The following NXPH2 variants were observed in gnomAD, a reference collection of about 807,000 sequenced individuals.
The protein encoded by NXPH2 is neurexophilin 2, also known as neurexophilin-2.
A neutral mutation model predicts 19.8 loss-of-function variants in NXPH2; 5 were observed. The ratio of observed to expected loss-of-function variants is 0.25; its 90% CI spans 0.13 to 0.53. NXPH2 has a LOEUF of 0.53. NXPH2 is among the 20% of genes least tolerant of loss of function. NXPH2 has a pLI of 0.96. For synonymous variants in NXPH2, 154 were observed against 127.4 expected (o/e 1.21, Z -1.41); for missense variants, 289 against 322.8 (o/e 0.90, Z 0.80).
chr2:138,780,105 G>C, intron 1 of NXPH2, 86 bp downstream of exon 1: 1 of 1,347,266 alleles, frequency 7.4e-7, no homozygotes, highest in South Asian at 1.5e-5. Flanking sequence ...GCAGGCCCAG[G>C]CTGGGCTCCA....
chr2:138,712,590 C>G (rs995435636), intron 1 of NXPH2, among the ~76,000 whole-genome samples: 4 of 152,168 alleles, frequency 2.6e-5, no homozygotes, highest in Non-Finnish European at 4.4e-5. Context: ...TTTGGTTTAT[C>G]CCCTGACCAA....
chr2:138,776,803 A>T (rs961284894), intron 1 of NXPH2, among the ~76,000 whole-genome samples: 2 of 152,064 alleles, frequency 1.3e-5, no homozygotes, highest in Non-Finnish European at 2.9e-5. Context: ...GAATCATCAG[A>T]CTAAACAAAT....
intron 1 of NXPH2, among the ~76,000 whole-genome samples, chr2:138,693,537 T>C (rs1385307239): frequency 6.6e-6 from 1 of 152,174 alleles, no homozygotes; most frequent in Non-Finnish European, 1.5e-5. Flanking sequence ...ATTACTGGTA[T>C]AAGGTTGCCA....
intron 1 of NXPH2, among the ~76,000 whole-genome samples, chr2:138,758,281 C>G (rs535284281): frequency 6.6e-6 from 1 of 152,078 alleles, no homozygotes; most frequent in East Asian, 1.9e-4. Context: ...TGAGGATCTA[C>G]CCAGGATCCT....
chr2:138,767,624 C>T lies in NXPH2; in HGVS notation c.51+12567G>A, dbSNP rs191333309. ...AATTTGACTATTGATTCAATATCTC[C>T]TACCCTACAAACTGTAAAGATATTA... On this transcript the variant is annotated intron_variant, in intron 1 of 1. Coordinates refer to ENST00000272641, the MANE Select transcript of NXPH2 (RefSeq NM_007226.3). 7.4e-4 allele frequency among the ~76,000 whole-genome samples: 113 copies of T among 152,234 alleles called. No homozygotes were observed. In the Middle Eastern group the frequency reaches 0.01, roughly 14 times the overall value.
intron 1 of NXPH2, among the ~76,000 whole-genome samples, chr2:138,685,650 T>G (rs1296880933): frequency 6.6e-6 from 1 of 152,238 alleles, no homozygotes; most frequent in Non-Finnish European, 1.5e-5. Context: ...AAAGCTCATT[T>G]TATAATAAAG....
intron 1 of NXPH2, among the ~76,000 whole-genome samples, chr2:138,777,831 TA>T (rs11299940): frequency 0.27 from 25,295 of 92,852 alleles, 1,971 homozygotes; most frequent in Middle Eastern, 0.4. Flanking sequence ...ACCAAAAAAT[TA>T]AAAAAAAAAA....
At position 138,759,798 on chromosome 2, in the gene NXPH2, C is replaced by T. The variant is rs548903319; in HGVS notation, c.51+20393G>A. 2.7e-5 allele frequency among the ~76,000 whole-genome samples: 4 copies of T among 147,884 alleles called. No individual in the cohort carries two copies. In the Admixed American group the frequency reaches 2.8e-4, roughly 10 times the overall value. On this transcript the variant is annotated intron_variant, in intron 1 of 1. Coordinates refer to ENST00000272641, the MANE Select transcript of NXPH2 (RefSeq NM_007226.3). ...AGGCTGGAGTGCAGTAGCGCAATCT[C>T]GGCTCACTGCAACCTCCGCCTCCCA...
intron 1 of NXPH2, among the ~76,000 whole-genome samples, chr2:138,701,218 A>G (rs1680917362): frequency 1.3e-5 from 2 of 152,098 alleles, no homozygotes; most frequent in African/African-American, 4.8e-5. Context: ...GGGGTGGGTT[A>G]TACCTTGTTT....
chr2:138,717,868 A>T (rs1180936257), intron 1 of NXPH2, among the ~76,000 whole-genome samples: 1 of 152,224 alleles, frequency 6.6e-6, no homozygotes, highest in Non-Finnish European at 1.5e-5. Context: ...AAACAAGTCA[A>T]GAAAGAAATT....
intron 1 of NXPH2, among the ~76,000 whole-genome samples, chr2:138,699,735 G>A (rs941683201): frequency 2.6e-5 from 4 of 152,182 alleles, no homozygotes; most frequent in Non-Finnish European, 5.9e-5. Context: ...AGCTTTGGGT[G>A]AGAACTTTCC....
chr2:138,686,710 C>CCCCA (rs1226461751), intron 1 of NXPH2, among the ~76,000 whole-genome samples: 2 of 152,106 alleles, frequency 1.3e-5, no homozygotes, highest in African/African-American at 4.8e-5. Context: ...ACTCCTCCCA[C>CCCCA]CCCACAACAG....
Position 138,671,360 on chromosome 2 carries a change from G to A in NXPH2, c.357C>T (p.Ser119=), listed in dbSNP as rs552913739. 2.5e-6 allele frequency: 4 copies of A among 1,613,790 alleles called. No individual in the cohort carries two copies. In the South Asian group the frequency reaches 4.4e-5, roughly 18 times the overall value. The change falls in exon 2 of 2, where the codon TCC becomes TCT. Residue 119 remains serine, a synonymous_variant. Coordinates refer to ENST00000272641, the MANE Select transcript of NXPH2 (RefSeq NM_007226.3). ...GATTGAGTTTGACAGTTTTAATGTTGGAATGAAAGTCACCCCATCCAAACA... is the reference window on the plus strand; with the variant it reads ...GATTGAGTTTGACAGTTTTAATGTTAGAATGAAAGTCACCCCATCCAAACA... The part of the protein sequence containing the change: ...KKMFGWGDFH[S]NIKTVKLNLL...
At chr2:138,683,045 A>G (rs1680600838) in intron 1 of NXPH2, among the ~76,000 whole-genome samples, 1 of 152,236 alleles carries the variant, frequency 6.6e-6, no homozygotes, top group South Asian at 2.1e-4. Flanking sequence ...CGGGCTGGAA[A>G]CAAATGTTAA....
chr2:138,752,411 T>C (rs1161734523), intron 1 of NXPH2, among the ~76,000 whole-genome samples: 5 of 152,198 alleles, frequency 3.3e-5, no homozygotes, highest in Non-Finnish European at 2.9e-5. Flanking sequence ...AAGAGATATC[T>C]ACATCTGAGA....
chr2:138,702,136 T>G (rs2104982596), intron 1 of NXPH2, among the ~76,000 whole-genome samples: 1 of 152,226 alleles, frequency 6.6e-6, no homozygotes, highest in East Asian at 1.9e-4. Context: ...TCTTTCTTTC[T>G]TACAGGGTCT....
At chr2:138,709,347 C>T (rs1439121236) in intron 1 of NXPH2, among the ~76,000 whole-genome samples, 1 of 152,078 alleles carries the variant, frequency 6.6e-6, no homozygotes, top group Admixed American at 6.6e-5. Flanking sequence ...CAAAATTTGT[C>T]ATCTTAACCA....
At chr2:138,716,750 C>T (rs1324562945) in intron 1 of NXPH2, among the ~76,000 whole-genome samples, 2 of 152,142 alleles carry the variant, frequency 1.3e-5, no homozygotes, top group African/African-American at 4.8e-5. Flanking sequence ...CGGCATGACA[C>T]AGTGGAAAAA....
At chr2:138,697,329 G>A (rs1680843566) in intron 1 of NXPH2, among the ~76,000 whole-genome samples, 1 of 152,036 alleles carries the variant, frequency 6.6e-6, no homozygotes. Flanking sequence ...TATACTGTAT[G>A]TAAATTATAC....
Sources: gnomAD v4.1 joint callset for allele counts (sites outside exome capture counted in the v4.1 genomes callset) on GRCh38, gnomAD v4.1.1 for gene constraint, MANE v1.5 for transcripts, NCBI Gene and HGNC (gene_info 2026-07-23, HGNC 2026-07-21) for gene names.